The following SLC25A22 variants were observed in gnomAD, a reference collection of about 807,000 sequenced individuals.
SLC25A22 encodes mitochondrial glutamate carrier 1.
Under a neutral mutation model 33.7 loss-of-function variants are expected in SLC25A22, and 23 were observed. The observed-to-expected ratio is 0.68, with a 90% CI of 0.49 to 0.97. SLC25A22 has a LOEUF of 0.97. SLC25A22 is among the 50% of genes least tolerant of loss of function. SLC25A22 has a pLI of 0.00. For missense variants in SLC25A22, 390 were observed against 451.1 expected (o/e 0.86, Z 1.23); for synonymous variants, 245 against 203.8 (o/e 1.20, Z -1.72).
chr11:795,632 C>T (rs1031642060), intron 1 of SLC25A22: 12 of 201,418 alleles, frequency 6.0e-5, no homozygotes, highest in East Asian at 1.1e-4. Context: ...CGCCCTAAGA[C>T]CCCCCGACCT....
At position 793,529 on chromosome 11, in the gene SLC25A22, C is replaced by T; in HGVS notation, c.293G>A (p.Gly98Glu). The change falls in exon 5 of 10, where the codon GGG (glycine) becomes GAG (glutamate). Residue 98 changes from glycine to glutamate, a missense_variant and splice_region_variant. Coordinates refer to ENST00000628067, the MANE Select transcript of SLC25A22 (RefSeq NM_001191061.2). ...DFFRHQLSKD[G>E]QKLTLLKEML... ...AGTGTCTGCCAGGCAGAACCCTCACCCGTCCTTAGAGAGCTGATGTCGGAA... is the reference window on the plus strand; with the variant it reads ...AGTGTCTGCCAGGCAGAACCCTCACTCGTCCTTAGAGAGCTGATGTCGGAA... The T allele has an allele frequency of 3.1e-6, 5 of 1,613,608 alleles. No homozygotes were observed. The highest frequency in any genetic ancestry group is 4.2e-6 in the Non-Finnish European group (5 of 1,179,962).
chr11:798,202 C>G lies in SLC25A22; in HGVS notation c.-164+15G>C, dbSNP rs936659438. ...GATGGGCGCAGCAGAAGGGAGCCGC[C>G]GGGCAGACACTCACCACGCTCGCCG... is the stretch of plus-strand genomic sequence containing the variant. On this transcript the variant is annotated intron_variant, in intron 1 of 9. Transcript: ENST00000628067. The G allele has an allele frequency of 4.0e-5, 16 of 397,234 alleles. No homozygotes were observed. The highest frequency in any genetic ancestry group is 6.2e-5 in the Non-Finnish European group (14 of 225,346). The allele number at this position is 397,234 out of a possible 1,614,324, so 24.6% of individuals were successfully genotyped here.
intron 1 of SLC25A22, chr11:797,566 G>A (rs1320819018): frequency 5.0e-6 from 2 of 398,370 alleles, no homozygotes; most frequent in African/African-American, 2.1e-5. Context: ...TTCCGAATCT[G>A]CAGGGGTAAA....
rs1244898735 is a variant in SLC25A22, at chr11:791,414, A to G, written c.*501T>C. On this transcript the variant is annotated 3_prime_UTR_variant, in exon 10 of 10. Transcript: ENST00000628067. ...AGTCCTCTTGCAAGGCTGGCCAGGG[A>G]GGCAGAGTCAAGTCCTGCCAAGGCG... 5.4e-6 allele frequency: 1 copy of G among 184,168 alleles called. No homozygotes were observed. The highest frequency in any genetic ancestry group is 1.2e-5 in the Non-Finnish European group (1 of 86,908). The allele number at this position is 184,168 out of a possible 1,614,324, so 11.4% of individuals were successfully genotyped here.
At chr11:797,717 C>T (rs1355787323) in intron 1 of SLC25A22, 1 of 398,564 alleles carries the variant, frequency 2.5e-6, no homozygotes, top group Admixed American at 4.4e-5. Flanking sequence ...ATCCTGCTGG[C>T]TGGAGGGTCC....
Position 794,504 on chromosome 11 carries a change from G to A in SLC25A22, c.156C>T (p.Cys52=), listed in dbSNP as rs756687519. 1.2e-6 allele frequency: 2 copies of A among 1,612,696 alleles called. No homozygotes were observed. The highest frequency in any genetic ancestry group is 1.7e-5 in the Admixed American group (1 of 59,978). The change falls in exon 4 of 10, where the codon TGC becomes TGT. Residue 52 remains cysteine (C), a synonymous_variant. Coordinates refer to ENST00000628067, the MANE Select transcript of SLC25A22 (RefSeq NM_001191061.2). ...GQRVYTSMSD[C]LIKTVRSEGY... is the part of the protein sequence containing the mutation. Reference sequence around the variant, plus strand: ...CCTCGGAGCGGACGGTCTTGATGAGGCAGTCGGACCTGTGGCCAAGGGGAC... The same window carrying A: ...CCTCGGAGCGGACGGTCTTGATGAGACAGTCGGACCTGTGGCCAAGGGGAC...
intron 4 of SLC25A22, chr11:794,155 G>A (rs1864671763): frequency 3.0e-6 from 2 of 668,296 alleles, no homozygotes; most frequent in East Asian, 2.8e-5. Context: ...AGCCACAAAC[G>A]GGGTCCAGCC....
At chr11:794,623 G>C (rs543514285) in intron 3 of SLC25A22, 110 bp from the exon 4 acceptor site, 10 of 1,526,560 alleles carry the variant, frequency 6.6e-6, no homozygotes, top group South Asian at 1.2e-5. Flanking sequence ...GCCCAGCCCC[G>C]ACCCCAGTCC....
intron 5 of SLC25A22, 34 bp from the exon 6 acceptor site, chr11:793,022 G>T: frequency 2.5e-6 from 4 of 1,601,684 alleles, no homozygotes; most frequent in Non-Finnish European, 3.4e-6. Context: ...TAAGTGGGAA[G>T]AGACAGGTCT....
In SLC25A22 at chr11:791,694, G is replaced by C. The variant is rs551904948; in HGVS notation, c.*221C>G. On this transcript the variant is annotated 3_prime_UTR_variant, in exon 10 of 10. Coordinates refer to ENST00000628067, the MANE Select transcript of SLC25A22 (RefSeq NM_001191061.2). ...TAGCTTGAGGAATGTAAAGATTTCT[G>C]CATTTTCTACATAAATGAGACATTG... 80 of 622,934 alleles carry C rather than the reference G, an allele frequency of 1.3e-4. No individual in the cohort carries two copies. In the African/African-American group the frequency reaches 1.5e-3, roughly 11 times the overall value. The allele number at this position is 622,934 out of a possible 1,614,324, so 38.6% of individuals were successfully genotyped here. A position where few individuals can be genotyped will look rare whatever the true frequency, so the allele number is the denominator to read the frequency against.
Position 794,768 on chromosome 11 carries a change from ACACT to A in SLC25A22, c.146+4_146+7del. 1 of 1,598,810 alleles carries A rather than the reference ACACT, an allele frequency of 6.3e-7. No individual in the cohort carries two copies. The highest frequency in any genetic ancestry group is 8.5e-7 in the Non-Finnish European group (1 of 1,174,574). On this transcript the variant is annotated splice_donor_5th_base_variant and intron_variant, in intron 3 of 9. Transcript: ENST00000628067. ...GGCCCACTCCCCGCGACCGCCCGGCACACTCACATGCTCGTGTACACGCGCTGGC... is the reference window on the plus strand; with the variant it reads ...GGCCCACTCCCCGCGACCGCCCGGCACACATGCTCGTGTACACGCGCTGGC...
rs1864776095 is a variant in SLC25A22 at position 795,492 on chromosome 11, G to C, written c.-163-323C>G. On this transcript the variant is annotated intron_variant, in intron 1 of 9. Transcript: ENST00000628067. ...AGGCACCTCTGGGGGCAGTGCCAGG[G>C]GCCGGGGCCAGGGTGCCTACCGGAG... 1.2e-4 allele frequency: 41 copies of C among 333,716 alleles called. 1 individual carries two copies. Among genetic ancestry groups the C allele is most frequent in the South Asian group, 9.5e-4 (39 of 40,976 alleles). The allele number at this position is 333,716 out of a possible 1,614,324, so 20.7% of individuals were successfully genotyped here. A position where few individuals can be genotyped will look rare whatever the true frequency, so the allele number is the denominator to read the frequency against.
At chr11:795,409 A>ACAC in intron 1 of SLC25A22, 1 of 298,450 alleles carries the variant, frequency 3.4e-6, no homozygotes, top group Non-Finnish European at 6.2e-6. Flanking sequence ...CCAGCCTCAC[A>ACAC]CGCCGCTCAC....
At position 790,827 on chromosome 11, in the gene SLC25A22, G is replaced by A. The variant is rs1327140628; in HGVS notation, c.*1088C>T. 6.6e-6 allele frequency: 1 copy of A among 152,534 alleles called. No individual in the cohort carries two copies. Among genetic ancestry groups the A allele is most frequent in the Non-Finnish European group, 1.5e-5 (1 of 68,264 alleles). The allele number at this position is 152,534 out of a possible 1,614,324, so 9.4% of individuals were successfully genotyped here. A position where few individuals can be genotyped will look rare whatever the true frequency, so the allele number is the denominator to read the frequency against. The stretch of plus-strand genomic sequence containing the variant: ...TGGCAGGGGGGATGGGGCTTCTGAA[G>A]TGTGGTCAGGGGCCTTATGCCCGGA... On this transcript the variant is annotated 3_prime_UTR_variant, in exon 10 of 10. Transcript: ENST00000628067.
rs769990082 is a variant in SLC25A22, at chr11:792,679, C to T, written c.461G>A (p.Gly154Glu). The T allele has an allele frequency of 1.9e-6, 3 of 1,559,432 alleles. No homozygotes were observed. ...LAAQGQLSAQ[G>E]GAQPSVEAPA... The stretch of plus-strand genomic sequence containing the variant: ...AGCCTCCACTGAGGGCTGGGCACCC[C>T]CCTGGGCCGAGAGCTGGCCCTGGGC... The change falls in exon 7 of 10, where the codon GGG (glycine) becomes GAG (glutamate). Residue 154 changes from glycine to glutamate, a missense_variant. Gly to Glu is a moderately conservative substitution (Grantham distance 98). Transcript: ENST00000628067.
rs1191429330 is a variant in SLC25A22, at chr11:790,604, G to A, written c.*1311C>T. On this transcript the variant is annotated 3_prime_UTR_variant, in exon 10 of 10. Transcript: ENST00000628067. ...GCAGCTTCCAAGGTTCTGATGTGAC[G>A]GGAGGGGCAGCTCCCAGGAGCAACC... 2.0e-5 allele frequency: 3 copies of A among 152,274 alleles called. No individual in the cohort carries two copies. Among genetic ancestry groups the A allele is most frequent in the Non-Finnish European group, 4.4e-5 (3 of 68,064 alleles). 9.4% of individuals were successfully genotyped at this position (152,274 alleles called of 1,614,324 possible).
chr11:793,052 GC>G, intron 5 of SLC25A22, 64 bp from the exon 6 acceptor site: 2 of 1,484,322 alleles, frequency 1.3e-6, no homozygotes, highest in Non-Finnish European at 9.3e-7. Flanking sequence ...CCTCGGGGCT[GC>G]CCACCATGCC....
Position 790,956 on chromosome 11 carries a change from C to T in SLC25A22, c.*959G>A, listed in dbSNP as rs1864486234. ...ACTTGGGGGTGTGGCAGCTCCTGGC[C>T]CTCCCTCCAGAGCAGGGCAGGCACC... On this transcript the variant is annotated 3_prime_UTR_variant, in exon 10 of 10. Coordinates refer to ENST00000628067, the MANE Select transcript of SLC25A22 (RefSeq NM_001191061.2). 1 of 152,338 alleles carries T rather than the reference C, an allele frequency of 6.6e-6. No homozygotes were observed. The allele number at this position is 152,338 out of a possible 1,614,324, so 9.4% of individuals were successfully genotyped here. A position where few individuals can be genotyped will look rare whatever the true frequency, so the allele number is the denominator to read the frequency against.
Position 792,691 on chromosome 11 carries a change from A to T in SLC25A22, c.449T>A (p.Leu150His). Reference sequence around the variant, plus strand: ...GGGCTGGGCACCCCCCTGGGCCGAGAGCTGGCCCTGGGCAGCCAGGATCTT... The same window carrying T: ...GGGCTGGGCACCCCCCTGGGCCGAGTGCTGGCCCTGGGCAGCCAGGATCTT... The part of the protein sequence containing the change: ...QRKILAAQGQ[L>H]SAQGGAQPSV... Residue 150 changes from leucine to histidine, a missense_variant, in exon 7 of 10, where the codon CTC (leucine) becomes CAC (histidine). Coordinates refer to ENST00000628067, the MANE Select transcript of SLC25A22 (RefSeq NM_001191061.2). 6.4e-7 allele frequency: 1 copy of T among 1,554,940 alleles called. No individual in the cohort carries two copies. Among genetic ancestry groups the T allele is most frequent in the Non-Finnish European group, 8.7e-7 (1 of 1,153,526 alleles).
Sources: allele counts gnomAD v4.1 joint callset, GRCh38; gene constraint gnomAD v4.1.1; transcripts MANE v1.5; gene names NCBI Gene and HGNC (gene_info 2026-07-23, HGNC 2026-07-21).